RBM6: variants seen among roughly 807,000 people sequenced by gnomAD.
RBM6 encodes the protein RNA-binding protein 6.
A neutral mutation model predicts 140.4 loss-of-function variants in RBM6; 23 were observed. The observed-to-expected ratio is 0.16, with a 90% CI of 0.12 to 0.23. The LOEUF (loss-of-function observed/expected upper bound fraction) is 0.23. RBM6 is among the 10% of genes least tolerant of loss of function. RBM6 has a pLI of 1.00. For missense variants in RBM6, 1,139 were observed against 1,386.7 expected (o/e 0.82, Z 2.84); for synonymous variants, 439 against 475.6 (o/e 0.92, Z 1.00).
At chr3:49,941,575 G>A (rs1051295675) in intron 1 of RBM6, among the ~76,000 whole-genome samples, 2 of 149,972 alleles carry the variant, frequency 1.3e-5, no homozygotes, top group African/African-American at 4.9e-5. Context: ...GGGAGGCGGA[G>A]GTTGCGGTGA....
At chr3:50,000,353 T>C (rs985509307) in intron 6 of RBM6, among the ~76,000 whole-genome samples, 92 of 150,832 alleles carry the variant, frequency 6.1e-4, no homozygotes, top group Non-Finnish European at 1.1e-3. Flanking sequence ...TTTCTTTTTT[T>C]TTTTTTTTAA....
At chr3:50,018,693 G>A (rs779679179) in intron 6 of RBM6, among the ~76,000 whole-genome samples, 2 of 145,162 alleles carry the variant, frequency 1.4e-5, no homozygotes. Context: ...CCAGGTTCAA[G>A]TGATTCTTCT....
chr3:50,066,637 G>A, intron 17 of RBM6, 135 bp downstream of exon 17: 1 of 1,148,784 alleles, frequency 8.7e-7, no homozygotes, highest in Non-Finnish European at 1.2e-6. Context: ...AGACCAGTCT[G>A]GGCAACATGG....
At chr3:49,952,523 G>A (rs900738086) in intron 1 of RBM6, among the ~76,000 whole-genome samples, 1 of 145,364 alleles carries the variant, frequency 6.9e-6, no homozygotes, top group African/African-American at 2.6e-5. Context: ...TTTTTGAGAC[G>A]AAGTTTTGCT....
intron 17 of RBM6, among the ~76,000 whole-genome samples, chr3:50,067,899 C>T (rs1457783893): frequency 6.6e-6 from 1 of 152,218 alleles, no homozygotes. Context: ...TCCCAGCCAT[C>T]TCTGTGGAGG....
intron 4 of RBM6, among the ~76,000 whole-genome samples, chr3:49,972,654 A>C (rs567672814): frequency 1.6e-4 from 25 of 152,198 alleles, no homozygotes; most frequent in Non-Finnish European, 3.2e-4. Context: ...TATTTAATAT[A>C]ATCACTCTAA....
At chr3:50,040,300 G>T (rs976437927) in intron 6 of RBM6, among the ~76,000 whole-genome samples, 1 of 151,620 alleles carries the variant, frequency 6.6e-6, no homozygotes, top group East Asian at 1.9e-4. Flanking sequence ...CAAAAAATTA[G>T]CCAGGCGTGG....
At chr3:50,061,079 G>T in intron 12 of RBM6, 61 bp from the exon 13 acceptor site, 3 of 1,609,114 alleles carry the variant, frequency 1.9e-6, no homozygotes, top group Non-Finnish European at 2.5e-6. Flanking sequence ...TTTAGTGGGT[G>T]ACTGTTAAGG....
chr3:49,989,374 A>C (rs1293930667), intron 5 of RBM6, among the ~76,000 whole-genome samples: 6 of 152,110 alleles, frequency 3.9e-5, no homozygotes, highest in Non-Finnish European at 8.8e-5. Flanking sequence ...CAGGAGTTCA[A>C]GACCAGCCAG....
intron 19 of RBM6, 74 bp from the exon 20 acceptor site, chr3:50,075,127 G>A (rs1236731603): frequency 2.6e-6 from 4 of 1,554,850 alleles, no homozygotes; most frequent in Non-Finnish European, 3.5e-6. Context: ...TTGCACTCCA[G>A]CCTGGGCAAA....
chr3:50,009,037 T>C (rs72942374), intron 6 of RBM6, among the ~76,000 whole-genome samples: 1,536 of 152,330 alleles, frequency 0.01, 33 homozygotes, highest in African/African-American at 0.035. Flanking sequence ...TGCTTGGTTG[T>C]ACCAACTTCT....
chr3:50,025,701 A>G (rs1438184998), intron 6 of RBM6, among the ~76,000 whole-genome samples: 9 of 149,746 alleles, frequency 6.0e-5, no homozygotes, highest in Non-Finnish European at 1.5e-5. Flanking sequence ...TTGGGAATAT[A>G]GGCGTGAGCC....
At chr3:50,002,045 C>T (rs1575657248) in intron 6 of RBM6, among the ~76,000 whole-genome samples, 1 of 152,070 alleles carries the variant, frequency 6.6e-6, no homozygotes. Flanking sequence ...AATTCAGTGT[C>T]CTTCTTTCTC....
intron 17 of RBM6, among the ~76,000 whole-genome samples, chr3:50,067,457 A>G (rs866155735): frequency 6.6e-6 from 1 of 152,212 alleles, no homozygotes; most frequent in South Asian, 2.1e-4. Context: ...TAGCTGTGTC[A>G]TTAACGTTAC....
At chr3:50,052,984 G>GA (rs2089533416) in intron 7 of RBM6, among the ~76,000 whole-genome samples, 1 of 123,944 alleles carries the variant, frequency 8.1e-6, no homozygotes, top group Non-Finnish European at 1.7e-5. Flanking sequence ...GCAGTGGGCA[G>GA]GGGTGTGTGT....
intron 15 of RBM6, among the ~76,000 whole-genome samples, chr3:50,062,826 A>G (rs1051357955): frequency 1.3e-5 from 2 of 151,316 alleles, no homozygotes; most frequent in South Asian, 2.1e-4. Flanking sequence ...TCACGGTATA[A>G]CTGTACCTTC....
At position 49,968,080 on chromosome 3, in the gene RBM6, G is replaced by A. The variant is rs138846313; in HGVS notation, c.655G>A (p.Asp219Asn). ...EQSRSDFRNRDVSDLDFRDKD... is the reference protein window; with the variant it reads ...EQSRSDFRNRNVSDLDFRDKD... ...GTCCCGTTCTGATTTTAGGAATAGAGATGTATCTGATTTGGACTTTAGAGA... is the reference window on the plus strand; with the variant it reads ...GTCCCGTTCTGATTTTAGGAATAGAAATGTATCTGATTTGGACTTTAGAGA... Residue 219 changes from aspartate (D) to asparagine (N), a missense_variant, in exon 3 of 21, where the codon GAT becomes AAT. This residue lies in a region of RBM6 where 566 missense variants were observed against 612.7 expected (regional missense o/e 0.92). Coordinates refer to ENST00000266022, the MANE Select transcript of RBM6 (RefSeq NM_005777.3). 83 of 1,614,178 alleles carry A rather than the reference G, an allele frequency of 5.1e-5. No individual in the cohort carries two copies. In the East Asian group the frequency reaches 1.6e-3, roughly 32 times the overall value.
chr3:50,056,882 A>G (rs184711195), intron 8 of RBM6, among the ~76,000 whole-genome samples: 99 of 152,336 alleles, frequency 6.5e-4, no homozygotes, highest in African/African-American at 2.2e-3. Flanking sequence ...TTTGCATATA[A>G]AGGAGCTACG....
At position 50,054,330 on chromosome 3, in the gene RBM6, T is replaced by TA; in HGVS notation, c.1633-4dup. ...CAGTCAAATTGATTTCCTTCTTCCT[T>TA]ACAGTGTAAGGCAAACATTGGTGGG... is the stretch of plus-strand genomic sequence containing the variant. On this transcript the variant is annotated splice_region_variant and splice_polypyrimidine_tract_variant and intron_variant, in intron 7 of 20. Coordinates refer to ENST00000266022, the MANE Select transcript of RBM6 (RefSeq NM_005777.3). 1 of 1,608,086 alleles carries TA rather than the reference T, an allele frequency of 6.2e-7. No homozygotes were observed. Among genetic ancestry groups the TA allele is most frequent in the Non-Finnish European group, 8.5e-7 (1 of 1,174,564 alleles).
Sources: gnomAD v4.1 joint callset for allele counts (sites outside exome capture counted in the v4.1 genomes callset) on GRCh38, gnomAD v4.1.1 for gene constraint, gnomAD v4.1.1 regional missense constraint, MANE v1.5 for transcripts, NCBI Gene and HGNC (gene_info 2026-07-23, HGNC 2026-07-21) for gene names.